NHSL2: variants seen among roughly 807,000 people sequenced by gnomAD.
NHSL2 encodes the protein NHS like 2, also known as NHS-like protein 2.
A neutral mutation model predicts 53.4 loss-of-function variants in NHSL2; 27 were observed. That is an observed-to-expected ratio of 0.51 (90% CI 0.37 to 0.70). The LOEUF (loss-of-function observed/expected upper bound fraction) is 0.70. Ranked by LOEUF, NHSL2 falls within the 30% of genes least tolerant of loss-of-function variation. The probability of loss-of-function intolerance (pLI) is 0.00; values close to 1 mark genes in which losing one functional copy is unlikely to be tolerated. For missense variants in NHSL2, 892 were observed against 980.1 expected (o/e 0.91, Z 1.20); for synonymous variants, 408 against 404.1 (o/e 1.01, Z -0.12).
intron 1 of NHSL2, among the ~76,000 whole-genome samples, chrX:71,936,031 G>GCA (rs2041736535): frequency 8.9e-6 from 1 of 111,985 alleles, no homozygotes. Flanking sequence ...GGAGGTAAAG[G>GCA]CACACACAGG....
Position 71,923,068 on chromosome X carries a change from A to G in NHSL2, c.280+11701A>G, listed in dbSNP as rs754073923. Reference sequence around the variant, plus strand: ...CCTAATGCACATGGGGTGTGGGGTCATGAGGGAAGGGGAAGAGCTAGTGAA... The same window carrying G: ...CCTAATGCACATGGGGTGTGGGGTCGTGAGGGAAGGGGAAGAGCTAGTGAA... On this transcript the variant is annotated intron_variant, in intron 1 of 7. Transcript: ENST00000633930. 2.7e-5 allele frequency among the ~76,000 whole-genome samples: 3 copies of G among 111,945 alleles called. No homozygotes were observed. The South Asian group carries it at 1.1e-3, about 43-fold the overall frequency.
chrX:72,025,812 A>G (rs776243831), intron 1 of NHSL2, among the ~76,000 whole-genome samples: 80 of 112,060 alleles, frequency 7.1e-4, no homozygotes, highest in Non-Finnish European at 9.8e-4. Flanking sequence ...CAGCCAGGGC[A>G]TAGTGGTTGA....
At chrX:72,059,962 G>A (rs2042390660) in intron 1 of NHSL2, among the ~76,000 whole-genome samples, 1 of 111,728 alleles carries the variant, frequency 9.0e-6, no homozygotes, top group Non-Finnish European at 1.9e-5. Context: ...CTTTACTGAG[G>A]GGCGGCTTGG....
Position 71,911,316 on chromosome X carries a change from C to G in NHSL2, c.229C>G (p.Arg77Gly). The change falls in exon 1 of 8, where the codon CGC becomes GGC. Residue 77 changes from arginine to glycine, a missense_variant. Physicochemically the swap from Arg to Gly is moderately radical, Grantham distance 125 (BLOSUM62 -2). Transcript: ENST00000633930. ...SLYRRTVRLR[R>G]RLPCRLLGPE... ...GTACCGGCGCACCGTGCGCCTCCGC[C>G]GCCGCCTTCCCTGCCGCCTGCTTGG... 1 of 1,124,712 alleles carries G rather than the reference C, an allele frequency of 8.9e-7. No individual in the cohort carries two copies. Among genetic ancestry groups the G allele is most frequent in the Non-Finnish European group, 1.2e-6 (1 of 855,129 alleles). 92.7% of individuals were successfully genotyped at this position (1,124,712 alleles called of 1,213,427 possible).
In NHSL2 at chrX:72,144,214, A is replaced by C. The variant is rs6525579; in HGVS notation, c.*640A>C. 1 of 147,455 alleles carries C rather than the reference A, an allele frequency of 6.8e-6. No individual in the cohort carries two copies. The highest frequency in any genetic ancestry group is 1.3e-5 in the Non-Finnish European group (1 of 77,826). 12.2% of individuals were successfully genotyped at this position (147,455 alleles called of 1,213,427 possible). A position where few individuals can be genotyped will look rare whatever the true frequency, so the allele number is the denominator to read the frequency against. On this transcript the variant is annotated 3_prime_UTR_variant, in exon 8 of 8. Coordinates refer to ENST00000633930, the MANE Select transcript of NHSL2 (RefSeq NM_001013627.3). ...TGCCTTTTTCAGTTTGATTGTCTAC[A>C]TGGAGATCAGGGTGATAAGTTTCAA...
At chrX:71,913,859 AGAG>A (rs2041615807) in intron 1 of NHSL2, among the ~76,000 whole-genome samples, 1 of 112,467 alleles carries the variant, frequency 8.9e-6, no homozygotes, top group Admixed American at 9.3e-5. Flanking sequence ...GGAGCGAGAT[AGAG>A]GAGGAGAAAG....
intron 2 of NHSL2, 117 bp downstream of exon 2, chrX:72,132,351 A>C (rs1315184168): frequency 1.5e-6 from 1 of 680,007 alleles, no homozygotes; most frequent in South Asian, 3.2e-5. Flanking sequence ...GAGTTTAAAA[A>C]CAATCGACAA....
At chrX:72,087,956 G>A (rs1359181937) in intron 1 of NHSL2, among the ~76,000 whole-genome samples, 1 of 111,730 alleles carries the variant, frequency 9.0e-6, no homozygotes. Context: ...TGTAATCCCA[G>A]CACTTTGGGA....
At chrX:72,106,114 C>T (rs1042350976) in intron 1 of NHSL2, among the ~76,000 whole-genome samples, 2 of 110,947 alleles carry the variant, frequency 1.8e-5, no homozygotes, top group African/African-American at 6.6e-5. Context: ...GAGGCTGAGG[C>T]AGGAGAATGG....
At chrX:71,960,862 T>A (rs1332734224) in intron 1 of NHSL2, among the ~76,000 whole-genome samples, 4 of 112,135 alleles carry the variant, frequency 3.6e-5, no homozygotes, top group African/African-American at 1.3e-4. Context: ...CTATTTGGGG[T>A]CTGTTGGAAG....
intron 1 of NHSL2, chrX:72,069,629 A>T: frequency 1.1e-6 from 1 of 878,590 alleles, no homozygotes; most frequent in Non-Finnish European, 1.4e-6. Flanking sequence ...GGAGGAGGAG[A>T]AAGAGGAGGA....
chrX:71,991,230 T>G (rs2042025745), intron 1 of NHSL2, among the ~76,000 whole-genome samples: 1 of 112,669 alleles, frequency 8.9e-6, no homozygotes, highest in Non-Finnish European at 1.9e-5. Context: ...GGAAAGCGTG[T>G]GTGCTGTGGT....
chrX:71,957,890 AT>A (rs1257723933), intron 1 of NHSL2, among the ~76,000 whole-genome samples: 5 of 111,825 alleles, frequency 4.5e-5, no homozygotes, highest in Non-Finnish European at 9.4e-5. Context: ...AAGCACATAA[AT>A]AACTGTTACA....
Position 72,049,042 on chromosome X carries a change from A to AGAG in NHSL2, c.281-83035_281-83034insGGA, listed in dbSNP as rs764985327. Among the ~76,000 whole-genome samples, 216 of 106,124 alleles carry AGAG rather than the reference A, an allele frequency of 2.0e-3. 3 individuals carry two copies. The highest frequency in any genetic ancestry group is 7.1e-3 in the African/African-American group (200 of 28,230). 92.2% of individuals were successfully genotyped at this position (106,124 alleles called of 115,157 possible). Reference sequence around the variant, plus strand: ...AAGAGGAAGAGGAAGAGGAAGAGGAAGAAGAAGAAGAAGAGGAGCAGGAGG... The same window carrying AGAG: ...AAGAGGAAGAGGAAGAGGAAGAGGAAGAGGAAGAAGAAGAAGAGGAGCAGGAGG... On this transcript the variant is annotated intron_variant, in intron 1 of 7. Coordinates refer to ENST00000633930, the MANE Select transcript of NHSL2 (RefSeq NM_001013627.3).
At chrX:72,018,932 T>C (rs763430849) in intron 1 of NHSL2, among the ~76,000 whole-genome samples, 81 of 112,879 alleles carry the variant, frequency 7.2e-4, no homozygotes, top group Admixed American at 2.8e-3. Context: ...AGAAACGAAA[T>C]GGACTTCAAG....
At chrX:72,012,430 T>G (rs2042119852) in intron 1 of NHSL2, among the ~76,000 whole-genome samples, 1 of 112,555 alleles carries the variant, frequency 8.9e-6, no homozygotes, top group African/African-American at 3.2e-5. Flanking sequence ...AGGGTTGCAC[T>G]CCCTCTGGAG....
In NHSL2 at chrX:72,146,366, A is replaced by T. The variant is rs2042463858; in HGVS notation, c.*2792A>T. 1 of 112,499 alleles carries T rather than the reference A, an allele frequency of 8.9e-6. No individual in the cohort carries two copies. The highest frequency in any genetic ancestry group is 3.2e-5 in the African/African-American group (1 of 30,904). The allele number at this position is 112,499 out of a possible 1,213,427, so 9.3% of individuals were successfully genotyped here. On this transcript the variant is annotated 3_prime_UTR_variant, in exon 8 of 8. Transcript: ENST00000633930. The stretch of plus-strand genomic sequence containing the variant: ...ACTCCACTCTCTCTCCCACCCAGGC[A>T]CTTACCACAATGTTTGCTGCCTTCT...
chrX:72,039,685 T>G (rs971175792), intron 1 of NHSL2, among the ~76,000 whole-genome samples: 2 of 111,785 alleles, frequency 1.8e-5, no homozygotes, highest in Non-Finnish European at 3.8e-5. Flanking sequence ...CATGATACGT[T>G]TAGGACTCAT....
Position 72,143,524 on chromosome X carries a change from A to C in NHSL2, c.3628A>C (p.Ile1210Leu), listed in dbSNP as rs1035227343. ...CACTAACCCACTGGCTCGGAGAATT[A>C]TTGCACAATTTTCAAAAGACTATGA... ...KTTNPLARRI[I>L]AQFSKDYETT... Residue 1210 changes from isoleucine to leucine, a missense_variant, in exon 8 of 8, where the codon ATT becomes CTT. Physicochemically the swap from Ile to Leu is conservative, Grantham distance 5. Transcript: ENST00000633930. 9.0e-5 allele frequency: 105 copies of C among 1,164,616 alleles called. No individual in the cohort carries two copies. Among genetic ancestry groups the C allele is most frequent in the Non-Finnish European group, 1.1e-4 (98 of 871,879 alleles).
Sources: allele counts gnomAD v4.1 joint callset (sites outside exome capture counted in the v4.1 genomes callset), GRCh38; gene constraint gnomAD v4.1.1; transcripts MANE v1.5; gene names NCBI Gene and HGNC (gene_info 2026-07-23, HGNC 2026-07-21).